The following DNAH10 variants were observed in gnomAD, a reference collection of about 807,000 sequenced individuals.
The protein encoded by DNAH10 is axonemal beta dynein heavy chain 10.
Under a neutral mutation model 506.6 loss-of-function variants are expected in DNAH10, and 348 were observed. The ratio of observed to expected loss-of-function variants is 0.69; its 90% confidence interval spans 0.63 to 0.75. The LOEUF (loss-of-function observed/expected upper bound fraction) is 0.75, where lower values mean the gene tolerates loss of function less well. Ranked by LOEUF, DNAH10 falls within the 30% of genes least tolerant of loss-of-function variation. DNAH10 has a pLI of 0.00. For synonymous variants in DNAH10, 2,059 were observed against 2,198.6 expected, an observed-to-expected ratio of 0.94 and a Z score of 1.78; for missense variants, 5,179 against 5,787.1, an observed-to-expected ratio of 0.89 and a Z score of 3.41.
intron 77 of DNAH10, chr12:123,934,064 C>G (rs774943314): frequency 1.8e-6 from 1 of 562,166 alleles, no homozygotes; most frequent in Non-Finnish European, 3.2e-6. Flanking sequence ...TGGGGACTTA[C>G]GGTAAAGATG....
intron 74 of DNAH10, 41 bp from the exon 75 acceptor site, chr12:123,931,595 C>G (rs749175953): frequency 6.2e-7 from 1 of 1,609,846 alleles, no homozygotes; most frequent in Non-Finnish European, 8.5e-7. Context: ...CGGTTCTGCA[C>G]GTGGATGCCT....
intron 1 of DNAH10, among the ~76,000 whole-genome samples, chr12:123,766,805 C>T (rs544127574): frequency 8.0e-4 from 122 of 152,012 alleles, no homozygotes; most frequent in Non-Finnish European, 1.2e-3. Context: ...TTTGGCAATT[C>T]CATAGAAAAA....
rs146775974 is a variant in DNAH10, at chr12:123,787,385, A to ATC, written c.1422-403_1422-402dup. 1.4e-3 allele frequency among the ~76,000 whole-genome samples: 214 copies of ATC among 150,436 alleles called. No homozygotes were observed. Among genetic ancestry groups the ATC allele is most frequent in the South Asian group, 2.7e-3 (13 of 4,774 alleles). The stretch of plus-strand genomic sequence containing the variant: ...TATGTATCCATATCTATTTATATAC[A>ATC]TCTCTCTCTCTCTCTCTATCTACCT... On this transcript the variant is annotated intron_variant, in intron 9 of 78. Coordinates refer to ENST00000673944, the MANE Select transcript of DNAH10 (RefSeq NM_001372106.1). This position sits in a 1 kb window ranked among gnomAD's most constrained non-coding sequence, Gnocchi z 4.6.
chr12:123,909,372 G>A lies in DNAH10; in HGVS notation c.9927G>A (p.Pro3309=), dbSNP rs753614886. Residue 3309 remains proline (P), a synonymous_variant, in exon 58 of 79, where the codon CCG becomes CCA. Coordinates refer to ENST00000673944, the MANE Select transcript of DNAH10 (RefSeq NM_001372106.1). This position sits in a 1 kb window ranked among gnomAD's most constrained non-coding sequence, Gnocchi z 5.4. ...CAGCCAAGGGCGTGATGTCCGACCC[G>A]AATTTCCTGCGGTCTCTGATGGAGA... ...WKTAKGVMSD[P]NFLRSLMEID... is the part of the protein sequence containing the mutation. 40 of 1,611,380 alleles carry A rather than the reference G, an allele frequency of 2.5e-5. No individual in the cohort carries two copies. In the African/African-American group the frequency reaches 4.1e-4, roughly 17 times the overall value.
At chr12:123,814,841 T>C (rs746602174) in intron 21 of DNAH10, among the ~76,000 whole-genome samples, 1 of 152,080 alleles carries the variant, frequency 6.6e-6, no homozygotes, top group Non-Finnish European at 1.5e-5. Context: ...ATGGTCTCGA[T>C]CTCCTGACCT....
At chr12:123,764,058 G>A (rs1015650152) in intron 1 of DNAH10, among the ~76,000 whole-genome samples, 3 of 151,908 alleles carry the variant, frequency 2.0e-5, no homozygotes, top group African/African-American at 4.8e-5. Context: ...TAGAGACAGG[G>A]TTTCACCATG....
chr12:123,789,888 C>T (rs200973930), intron 10 of DNAH10, 39 bp from the exon 11 acceptor site: 142 of 1,575,348 alleles, frequency 9.0e-5, no homozygotes, highest in Admixed American at 1.6e-4. Flanking sequence ...ACAGGAAAAC[C>T]CAAATGTAAT....
chr12:123,918,803 A>T lies in DNAH10; in HGVS notation c.11360A>T (p.Asn3787Ile). 6.2e-7 allele frequency: 1 copy of T among 1,613,880 alleles called. No homozygotes were observed. The highest frequency in any genetic ancestry group is 8.5e-7 in the Non-Finnish European group (1 of 1,179,792). ...FFVLSEMALVNSMYQYSLIAF... is the reference protein window; with the variant it reads ...FFVLSEMALVISMYQYSLIAF... ...GTCCTGTCTGAGATGGCCCTGGTGA[A>T]CTCCATGTACCAGTACTCCCTGATT... Residue 3787 changes from asparagine (N) to isoleucine (I), a missense_variant, in exon 65 of 79, where the codon AAC becomes ATC. This residue lies in a region of DNAH10 where 4,844 missense variants were observed against 5,430.5 expected (regional missense o/e 0.89). Transcript: ENST00000673944.
chr12:123,786,071 G>T, intron 9 of DNAH10, 135 bp downstream of exon 9: 1 of 1,079,432 alleles, frequency 9.3e-7, no homozygotes, highest in Non-Finnish European at 1.3e-6. Flanking sequence ...GGCTCTTATG[G>T]CTGGGCACAG....
At position 123,919,038 on chromosome 12, in the gene DNAH10, G is replaced by A. The variant is rs767917994; in HGVS notation, c.11506+89G>A. 3 of 1,390,408 alleles carry A rather than the reference G, an allele frequency of 2.2e-6. No individual in the cohort carries two copies. The highest frequency in any genetic ancestry group is 2.9e-6 in the Non-Finnish European group (3 of 1,051,106). The allele number at this position is 1,390,408 out of a possible 1,614,324, so 86.1% of individuals were successfully genotyped here. ...GAAACGTGATCTGTGAAAATGGAAA[G>A]TTACCAAATAGCATTTTTTCTTTTT... On this transcript the variant is annotated intron_variant, in intron 65 of 78. Transcript: ENST00000673944. This position sits in a 1 kb window ranked among gnomAD's most constrained non-coding sequence, Gnocchi z 4.9.
In DNAH10 at chr12:123,881,738, C is replaced by T. The variant is rs1201699370; in HGVS notation, c.8748C>T (p.His2916=). ...GTATCATCCGCATGGACCGCGGCCA[C>T]GCCCTGCTGGTCGGGGTAGGGGGCT... ...VHRIIRMDRG[H]ALLVGVGGSG... is the part of the protein sequence containing the mutation. Residue 2916 remains histidine, a synonymous_variant, in exon 51 of 79, where the codon CAC becomes CAT. Transcript: ENST00000673944. 10 of 1,547,430 alleles carry T rather than the reference C, an allele frequency of 6.5e-6. No individual in the cohort carries two copies. Among genetic ancestry groups the T allele is most frequent in the Admixed American group, 4.0e-5 (2 of 49,862 alleles).
intron 2 of DNAH10, 21 bp from the exon 3 acceptor site, chr12:123,771,580 A>G: frequency 1.9e-6 from 3 of 1,604,780 alleles, no homozygotes; most frequent in Non-Finnish European, 2.6e-6. Flanking sequence ...ATTTTCTCTT[A>G]AACTGATTGC....
rs1446443534 is a variant in DNAH10, at chr12:123,925,195, T to C, written c.11912T>C (p.Met3971Thr). The C allele has an allele frequency of 1.2e-6, 2 of 1,613,924 alleles. No individual in the cohort carries two copies. The highest frequency in any genetic ancestry group is 1.7e-6 in the Non-Finnish European group (2 of 1,179,872). ...GTGACTGACTATGTGACTGTAACAA[T>C]GGGAGAGAAGTAAGTGTGTCGTTTT... Reference protein sequence around the residue: ...RAVTDYVTVTMGEKYVQPPMI... With the variant: ...RAVTDYVTVTTGEKYVQPPMI... The change falls in exon 68 of 79, where the codon ATG (methionine) becomes ACG (threonine). Residue 3971 changes from methionine to threonine, a missense_variant. Transcript: ENST00000673944. This position sits in a 1 kb window ranked among gnomAD's most constrained non-coding sequence, Gnocchi z 4.0.
intron 43 of DNAH10, among the ~76,000 whole-genome samples, chr12:123,868,966 C>G (rs1030688180): frequency 2.0e-5 from 3 of 152,228 alleles, no homozygotes; most frequent in Non-Finnish European, 2.9e-5. Context: ...TCTGCAATTC[C>G]CTCACTCGGA....
rs1260074129 is a variant in DNAH10, at chr12:123,803,755, C to T, written c.2709C>T (p.Ser903=). ...QIHKNADDIS[S]RLTLIEAINL... ...ATAAGAATGCAGATGACATTTCTTC[C>T]AGGCTGACATTAATAGAGGCCATAA... Residue 903 remains serine (S), a synonymous_variant, in exon 17 of 79, where the codon TCC becomes TCT. Transcript: ENST00000673944. 1 of 1,611,270 alleles carries T rather than the reference C, an allele frequency of 6.2e-7. No individual in the cohort carries two copies. The highest frequency in any genetic ancestry group is 8.5e-7 in the Non-Finnish European group (1 of 1,179,466).
intron 12 of DNAH10, 31 bp downstream of exon 12, chr12:123,794,143 T>C: frequency 8.9e-7 from 1 of 1,121,382 alleles, no homozygotes; most frequent in South Asian, 2.0e-5. Context: ...TGCCATAGCA[T>C]TAAAAATACA....
chr12:123,933,312 T>C lies in DNAH10; in HGVS notation c.13297-19T>C, dbSNP rs774296752. 3 of 1,495,084 alleles carry C rather than the reference T, an allele frequency of 2.0e-6. No homozygotes were observed. In the South Asian group the frequency reaches 4.0e-5, roughly 20 times the overall value. The allele number at this position is 1,495,084 out of a possible 1,614,324, so 92.6% of individuals were successfully genotyped here. A position where few individuals can be genotyped will look rare whatever the true frequency, so the allele number is the denominator to read the frequency against. ...ATGGCAGCCCCAGGCTCCCAGCACTTGTCCTCTCTTCTCTCCAGGTGACCG... is the reference window on the plus strand; with the variant it reads ...ATGGCAGCCCCAGGCTCCCAGCACTCGTCCTCTCTTCTCTCCAGGTGACCG... On this transcript the variant is annotated intron_variant, in intron 76 of 78. Transcript: ENST00000673944.
At chr12:123,863,734 G>A (rs774609574) in intron 39 of DNAH10, among the ~76,000 whole-genome samples, 8 of 152,174 alleles carry the variant, frequency 5.3e-5, no homozygotes, top group African/African-American at 7.2e-5. Flanking sequence ...CCTTAATTGC[G>A]TTTGCAAAGG....
chr12:123,931,224 G>T, intron 73 of DNAH10, 117 bp from the exon 74 acceptor site: 1 of 1,376,510 alleles, frequency 7.3e-7, no homozygotes, highest in Non-Finnish European at 9.6e-7. Flanking sequence ...AAAAAAAAAA[G>T]TCACCCTCTA....
Sources: gnomAD v4.1 joint callset for allele counts (sites outside exome capture counted in the v4.1 genomes callset) on GRCh38, gnomAD v4.1.1 for gene constraint, gnomAD v4.1.1 regional missense constraint, Gnocchi (gnomAD v3.1) non-coding constraint, MANE v1.5 for transcripts, NCBI Gene and HGNC (gene_info 2026-07-23, HGNC 2026-07-21) for gene names.